The following CEMIP variants were observed in gnomAD, a reference collection of about 807,000 sequenced individuals.
CEMIP encodes the protein cell migration inducing hyaluronidase 1.
In CEMIP, 105 loss-of-function variants were observed where a neutral mutation model predicts 156.9. The ratio of observed to expected loss-of-function variants is 0.67; its 90% CI spans 0.57 to 0.79. The LOEUF (loss-of-function observed/expected upper bound fraction) is 0.79. Among genes scored for constraint, CEMIP ranks in the 30% least tolerant of loss-of-function variants. The probability of loss-of-function intolerance (pLI) is 0.00; values close to 1 mark genes in which losing one functional copy is unlikely to be tolerated. For synonymous variants in CEMIP, 676 were observed against 668.4 expected (o/e 1.01, Z -0.17); for missense variants, 1,457 against 1,769.4 (o/e 0.82, Z 3.17).
At chr15:80,941,649 T>C (rs898613944) in intron 25 of CEMIP, among the ~76,000 whole-genome samples, 200 bp from the exon 26 acceptor site, 2 of 152,226 alleles carry the variant, frequency 1.3e-5, no homozygotes, top group African/African-American at 4.8e-5. Context: ...AGAATTGCCA[T>C]TCTCATTAGC....
At chr15:80,926,816 G>A (rs1396071647) in intron 19 of CEMIP, among the ~76,000 whole-genome samples, 3 of 124,702 alleles carry the variant, frequency 2.4e-5, no homozygotes, top group Non-Finnish European at 4.6e-5. Context: ...GAGACTGAGC[G>A]GGTGGGGGGG....
At chr15:80,839,655 C>T (rs1596124835) in intron 1 of CEMIP, among the ~76,000 whole-genome samples, 1 of 152,258 alleles carries the variant, frequency 6.6e-6, no homozygotes, top group African/African-American at 2.4e-5. Flanking sequence ...CAGGAGAGCC[C>T]CTGCAGGCTG....
chr15:80,906,218 A>T lies in CEMIP; in HGVS notation c.1412-445A>T, dbSNP rs1596179145. Among the ~76,000 whole-genome samples, 1 of 152,156 alleles carries T rather than the reference A, an allele frequency of 6.6e-6. No homozygotes were observed. The highest frequency in any genetic ancestry group is 2.4e-5 in the African/African-American group (1 of 41,430). On this transcript the variant is annotated intron_variant, in intron 12 of 29. Transcript: ENST00000394685. The surrounding 1 kb of genome is among the most constrained non-coding windows in gnomAD (Gnocchi z 4.3). ...CTGCCATCTCTGGGGCATGGTGCTC[A>T]CCTGCATGGGCGAGGCTGGCCTGCC...
intron 7 of CEMIP, among the ~76,000 whole-genome samples, 186 bp downstream of exon 7, chr15:80,884,540 G>T (rs945566219): frequency 2.0e-5 from 3 of 152,170 alleles, no homozygotes; most frequent in Non-Finnish European, 4.4e-5. Context: ...AAGAATGCTT[G>T]TTTTTTCTTA....
chr15:80,818,135 A>C (rs1248376567), intron 1 of CEMIP, among the ~76,000 whole-genome samples: 1 of 152,188 alleles, frequency 6.6e-6, no homozygotes, highest in Non-Finnish European at 1.5e-5. Context: ...AGCTTACTAC[A>C]AAAAAATATG....
At chr15:80,887,911 C>A in intron 8 of CEMIP, 147 bp downstream of exon 8, 1 of 720,814 alleles carries the variant, frequency 1.4e-6, no homozygotes, top group Non-Finnish European at 2.4e-6. Flanking sequence ...TAACTGGCCA[C>A]CTTACATGGA....
intron 1 of CEMIP, among the ~76,000 whole-genome samples, chr15:80,780,319 G>T (rs974572116): frequency 2.6e-5 from 4 of 152,258 alleles, no homozygotes; most frequent in Admixed American, 2.6e-4. Context: ...TCCAAGAAAG[G>T]TCGCGTTAGG....
intron 23 of CEMIP, 94 bp downstream of exon 23, chr15:80,933,554 G>C (rs1901007369): frequency 1.1e-6 from 1 of 951,494 alleles, no homozygotes; most frequent in South Asian, 1.7e-5. Flanking sequence ...TCTGTTTCAG[G>C]CCAGAAAGAG....
intron 12 of CEMIP, among the ~76,000 whole-genome samples, chr15:80,901,890 G>T (rs1899575606): frequency 9.2e-5 from 14 of 152,156 alleles, no homozygotes; most frequent in Admixed American, 9.2e-4. Flanking sequence ...TTTCAACTCA[G>T]CTTCATTCTC....
In CEMIP at chr15:80,933,302, G is replaced by A; in HGVS notation, c.2851G>A (p.Asp951Asn). Residue 951 changes from aspartate to asparagine, a missense_variant, in exon 23 of 30, where the codon GAT (aspartate) becomes AAT (asparagine). By Grantham distance (23) the Asp-to-Asn change is conservative. Around this residue, in one of 5 missense-constraint regions of CEMIP, gnomAD observed 798 missense variants for 980.1 expected, o/e 0.81. Transcript: ENST00000394685. ...GCCCTGGTTCAACCAGCTGGACATG[G>A]ATGGGGATAAGACATCTGTGTTCCA... ...PGPWFNQLDM[D>N]GDKTSVFHDV... 6.2e-7 allele frequency: 1 copy of A among 1,614,220 alleles called. No homozygotes were observed. The highest frequency in any genetic ancestry group is 8.5e-7 in the Non-Finnish European group (1 of 1,180,032).
chr15:80,946,859 G>C (rs1366588321), intron 28 of CEMIP, 106 bp from the exon 29 acceptor site: 1 of 756,384 alleles, frequency 1.3e-6, no homozygotes, highest in East Asian at 2.7e-5. Flanking sequence ...AGGCCTCTGG[G>C]CACTGCTAAC....
intron 22 of CEMIP, 97 bp from the exon 23 acceptor site, chr15:80,933,148 A>AC: frequency 9.3e-7 from 1 of 1,073,622 alleles, no homozygotes; most frequent in Non-Finnish European, 1.4e-6. Context: ...GCTGGCTTGT[A>AC]ACGTCAGTGG....
At chr15:80,829,586 G>A (rs1897110955) in intron 1 of CEMIP, among the ~76,000 whole-genome samples, 1 of 152,182 alleles carries the variant, frequency 6.6e-6, no homozygotes, top group Non-Finnish European at 1.5e-5. Flanking sequence ...AGGTTTCTCT[G>A]GAGTTTTGAG....
intron 10 of CEMIP, among the ~76,000 whole-genome samples, chr15:80,894,531 A>G (rs1348292591): frequency 6.6e-6 from 1 of 152,128 alleles, no homozygotes; most frequent in Admixed American, 6.5e-5. Context: ...ACACAATCAA[A>G]TCTGAGGCTC....
chr15:80,891,963 T>A (rs1899045104), intron 10 of CEMIP, among the ~76,000 whole-genome samples: 1 of 152,232 alleles, frequency 6.6e-6, no homozygotes, highest in Non-Finnish European at 1.5e-5. Context: ...GACAAATGCA[T>A]CAGCCAAAAG....
chr15:80,800,021 A>ATGTGGGTGTGTGTGTG (rs1896335993), intron 1 of CEMIP, among the ~76,000 whole-genome samples: 1 of 124,784 alleles, frequency 8.0e-6, no homozygotes, highest in African/African-American at 3.1e-5. Flanking sequence ...AGCTAATTTT[A>ATGTGGGTGTGTGTGTG]TGTGTGTGTG....
At chr15:80,845,506 A>G (rs1407397538) in intron 1 of CEMIP, among the ~76,000 whole-genome samples, 1 of 152,232 alleles carries the variant, frequency 6.6e-6, no homozygotes, top group Non-Finnish European at 1.5e-5. Flanking sequence ...GTATATGAAC[A>G]TGGCACTAAA....
intron 28 of CEMIP, among the ~76,000 whole-genome samples, 192 bp downstream of exon 28, chr15:80,943,294 G>C (rs1467155681): frequency 6.6e-6 from 1 of 152,244 alleles, no homozygotes; most frequent in African/African-American, 2.4e-5. Flanking sequence ...TTGGAGCTGG[G>C]CTGCTGTGAA....
intron 3 of CEMIP, among the ~76,000 whole-genome samples, chr15:80,877,054 G>T (rs1161542903): frequency 6.6e-6 from 1 of 152,148 alleles, no homozygotes; most frequent in East Asian, 1.9e-4. Context: ...AAATGAGAAC[G>T]AAGTGAAAGG....
Sources: allele counts gnomAD v4.1 joint callset (sites outside exome capture counted in the v4.1 genomes callset), GRCh38; gene constraint gnomAD v4.1.1; regional missense constraint gnomAD v4.1.1; non-coding constraint Gnocchi (gnomAD v3.1); transcripts MANE v1.5; gene names NCBI Gene and HGNC (gene_info 2026-07-23, HGNC 2026-07-21).